ACOXL: variants seen among roughly 807,000 people sequenced by gnomAD.
ACOXL encodes acyl-CoA oxidase like.
In ACOXL, 70 loss-of-function variants were observed where a neutral mutation model predicts 71.9. The observed-to-expected ratio is 0.97, with a 90% CI of 0.80 to 1.19. The LOEUF is 1.19. Ranked by LOEUF, ACOXL falls within the 50% of genes most tolerant of loss-of-function variation. The probability of loss-of-function intolerance (pLI) is 0.00; values close to 1 mark genes in which losing one functional copy is unlikely to be tolerated. For missense variants in ACOXL, 703 were observed against 736.3 expected (o/e 0.95, Z 0.52); for synonymous variants, 253 against 281.6 (o/e 0.90, Z 1.02).
At chr2:111,117,030 A>T (rs1205028902) in intron 17 of ACOXL, among the ~76,000 whole-genome samples, 2 of 152,250 alleles carry the variant, frequency 1.3e-5, no homozygotes, top group Admixed American at 1.3e-4. Context: ...CAGGCGGAAG[A>T]TGCCTAGCAT....
intron 16 of ACOXL, among the ~76,000 whole-genome samples, chr2:111,059,111 C>T (rs1472050420): frequency 6.6e-6 from 1 of 152,138 alleles, no homozygotes; most frequent in African/African-American, 2.4e-5. Flanking sequence ...GTGGTACATG[C>T]CTGTAGTTCC....
At position 110,776,816 on chromosome 2, in the gene ACOXL, C is replaced by T. The variant is rs112476358; in HGVS notation, c.76-7916C>T. ...AGCAGGACCTGTCTGACTGGGTCTCCGGGCTGCTGGCTTAGAAATATACTA... is the reference window on the plus strand; with the variant it reads ...AGCAGGACCTGTCTGACTGGGTCTCTGGGCTGCTGGCTTAGAAATATACTA... On this transcript the variant is annotated intron_variant, in intron 2 of 17. Coordinates refer to ENST00000439055, the MANE Select transcript of ACOXL (RefSeq NM_001142807.4). 4.1e-3 allele frequency among the ~76,000 whole-genome samples: 625 copies of T among 152,038 alleles called. 5 individuals carry two copies. The highest frequency in any genetic ancestry group is 0.014 in the African/African-American group (590 of 41,432).
intron 1 of ACOXL, among the ~76,000 whole-genome samples, chr2:110,767,889 G>A (rs538418965): frequency 1.3e-4 from 19 of 150,590 alleles, no homozygotes; most frequent in South Asian, 8.4e-4. Flanking sequence ...TTTGAGGCCA[G>A]CCTGGCCAAT....
intron 10 of ACOXL, among the ~76,000 whole-genome samples, chr2:110,844,658 A>C (rs147672684): frequency 6.7e-6 from 1 of 149,284 alleles, no homozygotes; most frequent in African/African-American, 2.5e-5. Context: ...AGCAATTCTC[A>C]TACCTCAGCC....
intron 1 of ACOXL, among the ~76,000 whole-genome samples, chr2:110,749,428 G>A (rs1248994268): frequency 6.6e-6 from 1 of 152,148 alleles, no homozygotes; most frequent in Non-Finnish European, 1.5e-5. Context: ...TCAAAACGAA[G>A]ACAGCAGCAT....
intron 10 of ACOXL, among the ~76,000 whole-genome samples, chr2:110,859,335 G>A (rs1002016): frequency 0.18 from 27,473 of 152,098 alleles, 2,661 homozygotes; most frequent in African/African-American, 0.24. Flanking sequence ...GCTTTGTTTC[G>A]TGTGCTGTGC....
chr2:110,886,381 T>TTTTC (rs1697292367), intron 10 of ACOXL, among the ~76,000 whole-genome samples: 3 of 64,490 alleles, frequency 4.7e-5, no homozygotes, highest in Non-Finnish European at 7.7e-5. Flanking sequence ...CTTCTTTTTC[T>TTTTC]TTTTTTTTTT....
chr2:110,911,803 A>C (rs889322845), intron 11 of ACOXL, among the ~76,000 whole-genome samples: 4 of 152,120 alleles, frequency 2.6e-5, no homozygotes, highest in African/African-American at 9.6e-5. Flanking sequence ...GATTAGGAAC[A>C]AAACAAGGAT....
At chr2:110,757,055 AC>A (rs964783968) in intron 1 of ACOXL, among the ~76,000 whole-genome samples, 2 of 147,782 alleles carry the variant, frequency 1.4e-5, no homozygotes, top group African/African-American at 5.0e-5. Flanking sequence ...CCCTCCTCCA[AC>A]CCCCCCCAAG....
intron 15 of ACOXL, among the ~76,000 whole-genome samples, chr2:111,044,951 T>G (rs2065944511): frequency 6.6e-6 from 1 of 152,158 alleles, no homozygotes; most frequent in South Asian, 2.1e-4. Context: ...TCAAAGCCAC[T>G]TGTTATCTAA....
intron 1 of ACOXL, among the ~76,000 whole-genome samples, chr2:110,751,298 CA>C (rs765632647): frequency 0.03 from 1,342 of 44,010 alleles, 9 homozygotes; most frequent in African/African-American, 0.076. Context: ...GACTCCGTCT[CA>C]AAAAAAAAAA....
intron 10 of ACOXL, among the ~76,000 whole-genome samples, chr2:110,881,748 G>A (rs1470221944): frequency 1.3e-5 from 2 of 152,070 alleles, no homozygotes; most frequent in East Asian, 3.8e-4. Context: ...ACTCATTTCA[G>A]TCTGATTGAT....
chr2:111,031,815 G>A, intron 15 of ACOXL, 101 bp downstream of exon 15: 1 of 1,176,348 alleles, frequency 8.5e-7, no homozygotes, highest in Admixed American at 1.8e-5. Context: ...CAACACACAG[G>A]GAAGGGACAG....
At chr2:111,020,758 G>T (rs1188132257) in intron 14 of ACOXL, among the ~76,000 whole-genome samples, 1 of 152,210 alleles carries the variant, frequency 6.6e-6, no homozygotes, top group East Asian at 1.9e-4. Context: ...AACCAGCTGT[G>T]TTGGGGCCTG....
intron 11 of ACOXL, among the ~76,000 whole-genome samples, chr2:110,926,713 CT>C (rs1374851943): frequency 6.6e-6 from 1 of 152,150 alleles, no homozygotes. Flanking sequence ...TTCTATCCCC[CT>C]GTCCCACCAA....
chr2:110,746,677 A>C (rs1184881182), intron 1 of ACOXL, among the ~76,000 whole-genome samples: 1 of 152,090 alleles, frequency 6.6e-6, no homozygotes, highest in Non-Finnish European at 1.5e-5. Flanking sequence ...GAAGGAAATA[A>C]TGTATACAGT....
Position 110,801,975 on chromosome 2 carries a change from C to G in ACOXL, c.620+251C>G, listed in dbSNP as rs568223840. On this transcript the variant is annotated intron_variant, in intron 8 of 17. Coordinates refer to ENST00000439055, the MANE Select transcript of ACOXL (RefSeq NM_001142807.4). ...AATATACATCTTTCCAGACTTTTCT[C>G]TATGCCCATATGTCTAAAGAGAGAG... Among the ~76,000 whole-genome samples the G allele has an allele frequency of 2.0e-5, 3 of 152,350 alleles. No homozygotes were observed. In the East Asian group the frequency reaches 5.8e-4, roughly 29 times the overall value.
At chr2:110,842,192 A>T (rs1006825277) in intron 10 of ACOXL, among the ~76,000 whole-genome samples, 2 of 152,180 alleles carry the variant, frequency 1.3e-5, no homozygotes, top group African/African-American at 4.8e-5. Context: ...TATACACGTG[A>T]ATTGGGCAAT....
intron 2 of ACOXL, among the ~76,000 whole-genome samples, chr2:110,771,169 GA>G (rs1681870917): frequency 6.6e-6 from 1 of 152,192 alleles, no homozygotes; most frequent in South Asian, 2.1e-4. Flanking sequence ...TGAAGGAAAT[GA>G]AACTGGCCAT....
Sources: gnomAD v4.1 joint callset for allele counts (sites outside exome capture counted in the v4.1 genomes callset) on GRCh38, gnomAD v4.1.1 for gene constraint, MANE v1.5 for transcripts, NCBI Gene and HGNC (gene_info 2026-07-23, HGNC 2026-07-21) for gene names.